The following IMPG2 variants were observed in gnomAD, a reference collection of about 807,000 sequenced individuals.
IMPG2 encodes the protein IPM 200.
IMPG2 carries 91 observed loss-of-function variants against 129.2 expected under a neutral mutation model. That is an observed-to-expected ratio of 0.70 (90% CI 0.59 to 0.84). IMPG2 has a LOEUF of 0.84. IMPG2 is among the 40% of genes least tolerant of loss of function. The probability of loss-of-function intolerance (pLI) is 0.00; values close to 1 mark genes in which losing one functional copy is unlikely to be tolerated. For synonymous variants in IMPG2, 510 were observed against 517.7 expected (o/e 0.99, Z 0.20); for missense variants, 1,430 against 1,461.7 (o/e 0.98, Z 0.35).
At chr3:101,275,823 G>T in intron 5 of IMPG2, 78 bp from the exon 6 acceptor site, 1 of 1,086,908 alleles carries the variant, frequency 9.2e-7, no homozygotes, top group South Asian at 1.3e-5. Context: ...ATAAGGAACT[G>T]ACTTCAAAAA....
intron 11 of IMPG2, among the ~76,000 whole-genome samples, chr3:101,247,976 A>G (rs1019763669): frequency 3.3e-5 from 5 of 152,230 alleles, no homozygotes; most frequent in African/African-American, 1.2e-4. Context: ...TTCTATCAGC[A>G]ATATTAAATT....
In IMPG2 at chr3:101,224,738, G is replaced by A. The variant is rs1420325624; in HGVS notation, c.*2231C>T. On this transcript the variant is annotated 3_prime_UTR_variant, in exon 19 of 19. Coordinates refer to ENST00000193391, the MANE Select transcript of IMPG2 (RefSeq NM_016247.4). ...ACAAAAGTTGTATTCCTCAACTGAG[G>A]CCTCCTGTTCTTTCCCTGATAGTTG... is the stretch of plus-strand genomic sequence containing the variant. 1.3e-5 allele frequency: 2 copies of A among 152,202 alleles called. No homozygotes were observed. Among genetic ancestry groups the A allele is most frequent in the African/African-American group, 4.8e-5 (2 of 41,432 alleles). 9.4% of individuals were successfully genotyped at this position (152,202 alleles called of 1,614,324 possible). A position where few individuals can be genotyped will look rare whatever the true frequency, so the allele number is the denominator to read the frequency against.
chr3:101,249,074 T>C (rs913683310), intron 11 of IMPG2, among the ~76,000 whole-genome samples: 1 of 152,214 alleles, frequency 6.6e-6, no homozygotes, highest in Admixed American at 6.5e-5. Flanking sequence ...CCCTCCACAA[T>C]TACAGCTCCA....
chr3:101,246,150 A>T (rs771058132), intron 11 of IMPG2, 45 bp from the exon 12 acceptor site: 1 of 1,585,128 alleles, frequency 6.3e-7, no homozygotes, highest in Non-Finnish European at 8.6e-7. Flanking sequence ...TAAAAGAAAC[A>T]TATAAAAAGT....
chr3:101,241,305 T>A (rs1204940789), intron 14 of IMPG2, among the ~76,000 whole-genome samples: 2 of 152,124 alleles, frequency 1.3e-5, no homozygotes, highest in Non-Finnish European at 2.9e-5. Context: ...GAAGCGACAT[T>A]TGAACTGAGG....
At chr3:101,294,982 C>T (rs1388998647) in intron 3 of IMPG2, among the ~76,000 whole-genome samples, 1 of 151,928 alleles carries the variant, frequency 6.6e-6, no homozygotes, top group Non-Finnish European at 1.5e-5. Context: ...AGATATTAGA[C>T]CTTTGTCAGA....
chr3:101,277,537 A>C (rs1706851141), intron 4 of IMPG2, among the ~76,000 whole-genome samples: 1 of 152,200 alleles, frequency 6.6e-6, no homozygotes, highest in African/African-American at 2.4e-5. Flanking sequence ...GGAACATAAA[A>C]CCACACACCT....
intron 14 of IMPG2, among the ~76,000 whole-genome samples, chr3:101,238,837 T>C (rs143541437): frequency 0.019 from 2,830 of 152,268 alleles, 84 homozygotes; most frequent in African/African-American, 0.065. Flanking sequence ...CCAGCTAGCA[T>C]CATACTGACA....
intron 3 of IMPG2, among the ~76,000 whole-genome samples, chr3:101,301,618 C>T (rs555517009): frequency 6.6e-5 from 10 of 152,320 alleles, no homozygotes; most frequent in African/African-American, 2.4e-4. Context: ...TCTTTGCCCT[C>T]GTTATTGGTC....
chr3:101,274,373 A>C (rs1290830794), intron 6 of IMPG2, among the ~76,000 whole-genome samples: 2 of 152,162 alleles, frequency 1.3e-5, no homozygotes, highest in African/African-American at 4.8e-5. Context: ...CAATGTTCTA[A>C]TGTTCCTATG....
intron 2 of IMPG2, among the ~76,000 whole-genome samples, chr3:101,309,187 C>T (rs1707235814): frequency 2.6e-5 from 4 of 152,126 alleles, no homozygotes; most frequent in African/African-American, 9.7e-5. Flanking sequence ...CTGTCTTCTT[C>T]GGGGCCCTCC....
rs1407142721 is a variant in IMPG2 at position 101,273,616 on chromosome 3, G to A, written c.793C>T (p.His265Tyr). Reference sequence around the variant, plus strand: ...AATTCTTCTTCAAGGTGCTGGTGGTGAAAGCTGGAGGAATCCTGTAGTTCT... The same window carrying A: ...AATTCTTCTTCAAGGTGCTGGTGGTAAAAGCTGGAGGAATCCTGTAGTTCT... Reference protein sequence around the residue: ...REELQDSSSFHHQHLEEEFIS... With the variant: ...REELQDSSSFYHQHLEEEFIS... Residue 265 changes from histidine (H) to tyrosine (Y), a missense_variant, in exon 7 of 19, where the codon CAC becomes TAC. By Grantham distance (83) the His-to-Tyr change is moderately conservative. Coordinates refer to ENST00000193391, the MANE Select transcript of IMPG2 (RefSeq NM_016247.4). The A allele has an allele frequency of 6.2e-7, 1 of 1,614,052 alleles. No homozygotes were observed. Among genetic ancestry groups the A allele is most frequent in the Admixed American group, 1.7e-5 (1 of 60,016 alleles).
At chr3:101,252,709 G>GTT (rs1706557337) in intron 11 of IMPG2, among the ~76,000 whole-genome samples, 1 of 152,162 alleles carries the variant, frequency 6.6e-6, no homozygotes, top group African/African-American at 2.4e-5. Context: ...TGAAAAGATT[G>GTT]TTTTTAGTAA....
rs1041244135 is a variant in IMPG2, at chr3:101,226,731, G to A, written c.*238C>T. ...TTATAGAATACTTTCCAGAGTTTAC[G>A]TAGTTTTCAATTTATTTAAACACAG... On this transcript the variant is annotated 3_prime_UTR_variant, in exon 19 of 19. Coordinates refer to ENST00000193391, the MANE Select transcript of IMPG2 (RefSeq NM_016247.4). The A allele has an allele frequency of 2.8e-5, 14 of 499,404 alleles. No individual in the cohort carries two copies. Among genetic ancestry groups the A allele is most frequent in the East Asian group, 9.7e-5 (3 of 30,784 alleles). The allele number at this position is 499,404 out of a possible 1,614,324, so 30.9% of individuals were successfully genotyped here.
intron 18 of IMPG2, among the ~76,000 whole-genome samples, chr3:101,227,599 T>C (rs1305912619): frequency 2.0e-5 from 3 of 152,252 alleles, no homozygotes; most frequent in East Asian, 1.9e-4. Flanking sequence ...TATTGGATAC[T>C]ACTGAAATGG....
intron 3 of IMPG2, among the ~76,000 whole-genome samples, chr3:101,301,848 A>C (rs1205483163): frequency 1.3e-5 from 2 of 152,104 alleles, no homozygotes; most frequent in Admixed American, 6.5e-5. Context: ...AATCCATCCT[A>C]TGCTATGTAG....
chr3:101,319,795 G>C lies in IMPG2; in HGVS notation c.123C>G (p.Pro41=), dbSNP rs183804037. Reference sequence around the variant, plus strand: ...GCAGGAGAAAAGAAACTGCACTCTTGGGTTCTTGGATCTCCTCTATAGATA... The same window carrying C: ...GCAGGAGAAAAGAAACTGCACTCTTCGGTTCTTGGATCTCCTCTATAGATA... ...TYLSIEEIQE[P]KSAVSFLLPE... Residue 41 remains proline, a synonymous_variant, in exon 2 of 19, where the codon CCC becomes CCG. Coordinates refer to ENST00000193391, the MANE Select transcript of IMPG2 (RefSeq NM_016247.4). 3.5e-5 allele frequency: 57 copies of C among 1,613,048 alleles called. 1 individual carries two copies. In the Admixed American group the frequency reaches 6.7e-4, roughly 19 times the overall value.
chr3:101,258,445 T>A (rs1013012298), intron 9 of IMPG2, among the ~76,000 whole-genome samples: 4 of 152,046 alleles, frequency 2.6e-5, no homozygotes, highest in Non-Finnish European at 5.9e-5. Flanking sequence ...GTAGGAAAAA[T>A]ATCTCTAAAG....
chr3:101,313,651 C>G (rs2107144295), intron 2 of IMPG2, among the ~76,000 whole-genome samples: 1 of 152,066 alleles, frequency 6.6e-6, no homozygotes, highest in Non-Finnish European at 1.5e-5. Flanking sequence ...ACTTAGGAAT[C>G]CAGAAATCCA....
Sources: gnomAD v4.1 joint callset for allele counts (sites outside exome capture counted in the v4.1 genomes callset) on GRCh38, gnomAD v4.1.1 for gene constraint, MANE v1.5 for transcripts, NCBI Gene and HGNC (gene_info 2026-07-23, HGNC 2026-07-21) for gene names.